Variants in TXNL1 observed in about 807,000 individuals in gnomAD.
TXNL1 encodes thioredoxin like 1.
In TXNL1, 14 loss-of-function variants were observed where a neutral mutation model predicts 35.5. That is an observed-to-expected ratio of 0.39 (90% CI 0.26 to 0.62). The LOEUF (loss-of-function observed/expected upper bound fraction) is 0.62. Among genes scored for constraint, TXNL1 ranks in the 20% least tolerant of loss-of-function variants. The pLI is 0.47. For synonymous variants in TXNL1, 110 were observed against 115.5 expected, an observed-to-expected ratio of 0.95 and a Z score of 0.31; for missense variants, 263 against 349.7, an observed-to-expected ratio of 0.75 and a Z score of 1.98.
intron 3 of TXNL1, among the ~76,000 whole-genome samples, chr18:56,623,150 G>A (rs1476911823): frequency 1.3e-5 from 2 of 152,170 alleles, no homozygotes; most frequent in African/African-American, 2.4e-5. Context: ...CTTTGGCTAG[G>A]TGCAGTGGCT....
chr18:56,628,674 A>C (rs1035577914), intron 1 of TXNL1, among the ~76,000 whole-genome samples: 1 of 152,214 alleles, frequency 6.6e-6, no homozygotes, highest in African/African-American at 2.4e-5. Flanking sequence ...TACTGATAGA[A>C]TAAGACTTCT....
Position 56,638,410 on chromosome 18 carries a change from G to T in TXNL1, c.31C>A (p.Pro11Thr), listed in dbSNP as rs756125545. 1.4e-5 allele frequency: 22 copies of T among 1,613,468 alleles called. No homozygotes were observed. The highest frequency in any genetic ancestry group is 1.9e-5 in the Non-Finnish European group (22 of 1,179,750). The change falls in exon 1 of 8, where the codon CCG becomes ACG. Residue 11 changes from proline (P) to threonine (T), a missense_variant. Coordinates refer to ENST00000217515, the MANE Select transcript of TXNL1 (RefSeq NM_004786.3). ...CCGCTCAGCTCTGGCTGGAAATCCGGGTCGCTCCCGACGGGCTTCACCCCC... is the reference window on the plus strand; with the variant it reads ...CCGCTCAGCTCTGGCTGGAAATCCGTGTCGCTCCCGACGGGCTTCACCCCC... MVGVKPVGSDPDFQPELSGAG... is the reference protein window; with the variant it reads MVGVKPVGSDTDFQPELSGAG...
chr18:56,638,066 C>T (rs910188566), intron 1 of TXNL1, among the ~76,000 whole-genome samples: 2 of 152,144 alleles, frequency 1.3e-5, no homozygotes, highest in African/African-American at 4.8e-5. Flanking sequence ...CGGGCCACCC[C>T]CAAAACCAGT....
intron 5 of TXNL1, among the ~76,000 whole-genome samples, chr18:56,615,193 G>A (rs2144298507): frequency 6.6e-6 from 1 of 152,134 alleles, no homozygotes; most frequent in East Asian, 1.9e-4. Flanking sequence ...TTCAAGGCAC[G>A]ATTTAAGACC....
chr18:56,604,910 A>C (rs1057301151), intron 7 of TXNL1, among the ~76,000 whole-genome samples: 5 of 152,218 alleles, frequency 3.3e-5, no homozygotes, highest in African/African-American at 1.2e-4. Context: ...ATAAAATTTA[A>C]AGTTTAGAAT....
chr18:56,599,721 C>T lies in TXNL1; in HGVS notation c.*3306G>A, dbSNP rs904300012. 2 of 152,090 alleles carry T rather than the reference C, an allele frequency of 1.3e-5. No individual in the cohort carries two copies. Among genetic ancestry groups the T allele is most frequent in the African/African-American group, 4.8e-5 (2 of 41,370 alleles). 9.4% of individuals were successfully genotyped at this position (152,090 alleles called of 1,614,324 possible). On this transcript the variant is annotated 3_prime_UTR_variant, in exon 8 of 8. Transcript: ENST00000217515. ...GTGTGGCACCTGCCACCATGCCTGG[C>T]TAATTTTTTGTATTTTTAGTAGAGA...
At chr18:56,613,182 C>T (rs2024025582) in intron 6 of TXNL1, among the ~76,000 whole-genome samples, 3 of 152,140 alleles carry the variant, frequency 2.0e-5, no homozygotes, top group South Asian at 4.1e-4. Flanking sequence ...TTCTGTGAAA[C>T]TCTCAAAAAC....
At chr18:56,633,983 C>CAAAAAAAA (rs71169380) in intron 1 of TXNL1, among the ~76,000 whole-genome samples, 1 of 51,298 alleles carries the variant, frequency 1.9e-5, no homozygotes, top group Admixed American at 2.9e-4. Context: ...GACTCCATCT[C>CAAAAAAAA]AAAAAAAAAA....
At position 56,637,922 on chromosome 18, in the gene TXNL1, G is replaced by C. The variant is rs1049920796; in HGVS notation, c.98+421C>G. ...GCTTTAGAGAGATGTAGGTGGTGAAGAGAAACAAAGTGTTCGGTAAATTAA... is the reference window on the plus strand; with the variant it reads ...GCTTTAGAGAGATGTAGGTGGTGAACAGAAACAAAGTGTTCGGTAAATTAA... On this transcript the variant is annotated intron_variant, in intron 1 of 7. Coordinates refer to ENST00000217515, the MANE Select transcript of TXNL1 (RefSeq NM_004786.3). 2.6e-5 allele frequency among the ~76,000 whole-genome samples: 4 copies of C among 152,188 alleles called. No individual in the cohort carries two copies. The East Asian group carries it at 5.8e-4, about 22-fold the overall frequency.
At chr18:56,608,054 G>A (rs1310752152) in intron 7 of TXNL1, among the ~76,000 whole-genome samples, 4 of 152,070 alleles carry the variant, frequency 2.6e-5, no homozygotes, top group Non-Finnish European at 5.9e-5. Context: ...TAGTGTCTGT[G>A]GTTCCAGGCA....
intron 2 of TXNL1, among the ~76,000 whole-genome samples, chr18:56,625,250 C>G (rs2024257186): frequency 6.6e-6 from 1 of 151,862 alleles, no homozygotes; most frequent in Non-Finnish European, 1.5e-5. Flanking sequence ...AAAGTGCTGC[C>G]CAAAACAATG....
intron 6 of TXNL1, among the ~76,000 whole-genome samples, chr18:56,611,772 C>T (rs1167229789): frequency 2.0e-5 from 3 of 151,232 alleles, no homozygotes; most frequent in Admixed American, 6.6e-5. Context: ...CGACTCACTG[C>T]AACCTCCGCC....
intron 3 of TXNL1, among the ~76,000 whole-genome samples, chr18:56,623,685 T>G (rs920284397): frequency 6.6e-6 from 1 of 152,180 alleles, no homozygotes; most frequent in African/African-American, 2.4e-5. Flanking sequence ...TTCCACACAC[T>G]ATCCTTTAGA....
chr18:56,606,192 C>T (rs1355836285), intron 7 of TXNL1, among the ~76,000 whole-genome samples: 5 of 152,024 alleles, frequency 3.3e-5, no homozygotes, highest in Non-Finnish European at 5.9e-5. Context: ...CTGGCTAACA[C>T]GGTGAAACCC....
chr18:56,629,096 T>C (rs2024330332), intron 1 of TXNL1, among the ~76,000 whole-genome samples: 4 of 152,232 alleles, frequency 2.6e-5, no homozygotes, highest in Admixed American at 2.6e-4. Flanking sequence ...AATTGCCCTT[T>C]TGAAAGTCTA....
chr18:56,624,409 C>T lies in TXNL1; in HGVS notation c.248G>A (p.Arg83Gln), dbSNP rs770023224. The change falls in exon 3 of 8, where the codon CGA becomes CAA. Residue 83 changes from arginine to glutamine, a missense_variant. By Grantham distance (43) the Arg-to-Gln change is conservative. Transcript: ENST00000217515. ...ATATTGATCAATTCTCACTTTGTTT[C>T]GAAAAAACAAAAATGTAGGTGTTGC... ...ISATPTFLFF[R>Q]NKVRIDQYQG... The T allele has an allele frequency of 6.2e-6, 10 of 1,612,440 alleles. No individual in the cohort carries two copies. Among genetic ancestry groups the T allele is most frequent in the Middle Eastern group, 1.7e-4 (1 of 6,046 alleles).
intron 3 of TXNL1, among the ~76,000 whole-genome samples, chr18:56,620,498 T>C (rs942335127): frequency 6.6e-6 from 1 of 152,230 alleles, no homozygotes; most frequent in African/African-American, 2.4e-5. Context: ...AACATTTACC[T>C]GTAAAGTCAT....
At chr18:56,615,637 T>G (rs1006810936) in intron 5 of TXNL1, among the ~76,000 whole-genome samples, 1 of 152,068 alleles carries the variant, frequency 6.6e-6, no homozygotes, top group Non-Finnish European at 1.5e-5. Context: ...TTGAAATAAA[T>G]CTTTCAGTTT....
rs150279145 is a variant in TXNL1 at position 56,617,443 on chromosome 18, A to G, written c.492+561T>C. Among the ~76,000 whole-genome samples, 159 of 152,368 alleles carry G rather than the reference A, an allele frequency of 1.0e-3. 1 individual carries two copies. The highest frequency in any genetic ancestry group is 2.0e-3 in the Non-Finnish European group (139 of 68,032). On this transcript the variant is annotated intron_variant, in intron 4 of 7. Transcript: ENST00000217515. The stretch of plus-strand genomic sequence containing the variant: ...TTAGAAAAATAACTTCTGTTACCGT[A>G]TAGAAGATGAACTGGAATGGGACAA...
Sources: allele counts gnomAD v4.1 joint callset (sites outside exome capture counted in the v4.1 genomes callset), GRCh38; gene constraint gnomAD v4.1.1; transcripts MANE v1.5; gene names NCBI Gene and HGNC (gene_info 2026-07-23, HGNC 2026-07-21).